CAMK4: variants seen among roughly 807,000 people sequenced by gnomAD.
The protein encoded by CAMK4 is calcium/calmodulin dependent protein kinase IV, also known as calcium/calmodulin-dependent protein kinase type IV.
CAMK4 carries 22 observed loss-of-function variants against 44.9 expected under a neutral mutation model. That is an observed-to-expected ratio of 0.49 (90% CI 0.35 to 0.70). The LOEUF (loss-of-function observed/expected upper bound fraction) is 0.70, where lower values mean the gene tolerates loss of function less well. Among genes scored for constraint, CAMK4 ranks in the 30% least tolerant of loss-of-function variants. The pLI, the probability that CAMK4 is intolerant of heterozygous loss-of-function variation, is 0.01. For synonymous variants in CAMK4, 218 were observed against 215.4 expected (o/e 1.01, Z -0.11); for missense variants, 498 against 586.8 (o/e 0.85, Z 1.56).
intron 2 of CAMK4, among the ~76,000 whole-genome samples, chr5:111,372,855 A>C (rs889894324): frequency 6.6e-6 from 1 of 152,080 alleles, no homozygotes; most frequent in African/African-American, 2.4e-5. Context: ...AGAGCCTATC[A>C]ATTTGATGTA....
At chr5:111,455,063 A>G (rs752850185) in intron 7 of CAMK4, among the ~76,000 whole-genome samples, 2 of 152,216 alleles carry the variant, frequency 1.3e-5, no homozygotes, top group Admixed American at 6.5e-5. Context: ...AAGTATTAAT[A>G]CATAAAAATG....
intron 1 of CAMK4, among the ~76,000 whole-genome samples, chr5:111,258,152 A>C (rs1425920175): frequency 6.6e-6 from 1 of 152,248 alleles, no homozygotes; most frequent in Non-Finnish European, 1.5e-5. Context: ...AGTGTATGGA[A>C]CTTAAAATCC....
intron 4 of CAMK4, among the ~76,000 whole-genome samples, chr5:111,379,800 G>A (rs911313659): frequency 5.9e-5 from 9 of 151,962 alleles, no homozygotes; most frequent in African/African-American, 1.9e-4. Flanking sequence ...TACTCAAAAA[G>A]GTTGTATTTA....
At chr5:111,403,714 G>A (rs926824651) in intron 5 of CAMK4, among the ~76,000 whole-genome samples, 2 of 152,122 alleles carry the variant, frequency 1.3e-5, no homozygotes, top group African/African-American at 4.8e-5. Context: ...TCAACATTCT[G>A]AAATTACAGT....
At chr5:111,309,609 T>G (rs749301408) in intron 1 of CAMK4, among the ~76,000 whole-genome samples, 1 of 152,126 alleles carries the variant, frequency 6.6e-6, no homozygotes, top group African/African-American at 2.4e-5. Context: ...TCCTCCTGGC[T>G]TTTTCTCTGG....
intron 1 of CAMK4, among the ~76,000 whole-genome samples, chr5:111,251,474 C>T (rs1749489815): frequency 6.6e-6 from 1 of 152,154 alleles, no homozygotes; most frequent in South Asian, 2.1e-4. Flanking sequence ...AAGAGAACTT[C>T]CTAACAAGAC....
chr5:111,332,691 A>T (rs1260203693), intron 1 of CAMK4, among the ~76,000 whole-genome samples: 1 of 151,534 alleles, frequency 6.6e-6, no homozygotes, highest in Non-Finnish European at 1.5e-5. Context: ...GCAGGGTGAG[A>T]TTTCTGTGAG....
rs1755713075 is a variant in CAMK4 at position 111,488,607 on chromosome 5, C to G, written c.*4141C>G. 2 of 152,118 alleles carry G rather than the reference C, an allele frequency of 1.3e-5. No individual in the cohort carries two copies. Among genetic ancestry groups the G allele is most frequent in the South Asian group, 4.1e-4 (2 of 4,832 alleles). The allele number at this position is 152,118 out of a possible 1,614,324, so 9.4% of individuals were successfully genotyped here. ...GAGAGAGCCATTTTGTTTCATAAATCAGTTTTTATTGCACAGAAGCAGCTG... is the reference window on the plus strand; with the variant it reads ...GAGAGAGCCATTTTGTTTCATAAATGAGTTTTTATTGCACAGAAGCAGCTG... On this transcript the variant is annotated 3_prime_UTR_variant, in exon 11 of 11. Coordinates refer to ENST00000282356, the MANE Select transcript of CAMK4 (RefSeq NM_001744.6).
intron 5 of CAMK4, among the ~76,000 whole-genome samples, chr5:111,441,776 A>G (rs1038661124): frequency 3.3e-5 from 5 of 152,190 alleles, no homozygotes; most frequent in African/African-American, 1.2e-4. Flanking sequence ...CATGATTTAC[A>G]TAATCTGTAG....
At chr5:111,451,240 ATAGGG>A (rs555049629) in intron 7 of CAMK4, among the ~76,000 whole-genome samples, 73,981 of 151,966 alleles carry the variant, frequency 0.49, 18,193 homozygotes, top group Middle Eastern at 0.58. Flanking sequence ...TCCCTGTACT[ATAGGG>A]AAATTTATAT....
chr5:111,269,729 AGC>A lies in CAMK4; in HGVS notation c.161+45086_161+45087del, dbSNP rs368090136. Among the ~76,000 whole-genome samples the A allele has an allele frequency of 4.0e-3, 607 of 152,178 alleles. 3 individuals are homozygous for A. Among genetic ancestry groups the A allele is most frequent in the African/African-American group, 0.014 (580 of 41,498 alleles). ...TGGACTCCCTGCAGTCCCTAAAGAG[AGC>A]ATAGGGAGCCAGAAGGTCTAACTCA... On this transcript the variant is annotated intron_variant, in intron 1 of 10. Coordinates refer to ENST00000282356, the MANE Select transcript of CAMK4 (RefSeq NM_001744.6).
At position 111,350,948 on chromosome 5, in the gene CAMK4, G is replaced by A. The variant is rs145742296; in HGVS notation, c.240+6846G>A. Among the ~76,000 whole-genome samples, 41 of 152,094 alleles carry A rather than the reference G, an allele frequency of 2.7e-4. No individual in the cohort carries two copies. In the East Asian group the frequency reaches 7.6e-3, roughly 28 times the overall value. On this transcript the variant is annotated intron_variant, in intron 2 of 10. Coordinates refer to ENST00000282356, the MANE Select transcript of CAMK4 (RefSeq NM_001744.6). ...GAAGATTAAGTTACAGACTACATAGGCTTTGTTCCAATTTCTTGGTAGATG... is the reference window on the plus strand; with the variant it reads ...GAAGATTAAGTTACAGACTACATAGACTTTGTTCCAATTTCTTGGTAGATG...
At chr5:111,325,851 C>G (rs1242240510) in intron 1 of CAMK4, among the ~76,000 whole-genome samples, 3 of 151,844 alleles carry the variant, frequency 2.0e-5, no homozygotes, top group African/African-American at 4.8e-5. Flanking sequence ...ATGAGTGAAC[C>G]ATGGGATAAA....
rs184277543 is a variant in CAMK4 at position 111,260,684 on chromosome 5, A to G, written c.161+36040A>G. Among the ~76,000 whole-genome samples the G allele has an allele frequency of 3.3e-5, 5 of 152,228 alleles. No individual in the cohort carries two copies. In the East Asian group the frequency reaches 9.7e-4, roughly 29 times the overall value. On this transcript the variant is annotated intron_variant, in intron 1 of 10. Coordinates refer to ENST00000282356, the MANE Select transcript of CAMK4 (RefSeq NM_001744.6). ...CCAGTCTCTCAAGGAGGTAGCCTCA[A>G]TCTTTTATTAGGTTTTGTTCGTTCC...
In CAMK4 at chr5:111,473,332, G is replaced by A. The variant is rs544684230; in HGVS notation, c.647G>A (p.Cys216Tyr). The A allele has an allele frequency of 1.9e-6, 3 of 1,612,370 alleles. No individual in the cohort carries two copies. Among genetic ancestry groups the A allele is most frequent in the Non-Finnish European group, 2.5e-6 (3 of 1,178,622 alleles). Residue 216 changes from cysteine to tyrosine, a missense_variant, in exon 8 of 11, where the codon TGT becomes TAT. By Grantham distance (194) the Cys-to-Tyr change is radical (BLOSUM62 -2). Around this residue, in one of 3 missense-constraint regions of CAMK4, gnomAD observed 203 missense variants for 298.2 expected, o/e 0.68. Coordinates refer to ENST00000282356, the MANE Select transcript of CAMK4 (RefSeq NM_001744.6). ...GCAGCACCTGAAATTCTTAGAGGTTGTGCCTATGGACCTGAGGTGGACATG... is the reference window on the plus strand; with the variant it reads ...GCAGCACCTGAAATTCTTAGAGGTTATGCCTATGGACCTGAGGTGGACATG... ...GYCAPEILRG[C>Y]AYGPEVDMWS...
chr5:111,344,701 G>A (rs1749798071), intron 2 of CAMK4, among the ~76,000 whole-genome samples: 1 of 151,556 alleles, frequency 6.6e-6, no homozygotes, highest in African/African-American at 2.4e-5. Context: ...TTGTTTTGGG[G>A]GTTGCTTCTT....
chr5:111,468,210 T>C (rs893640296), intron 7 of CAMK4, among the ~76,000 whole-genome samples: 4 of 152,024 alleles, frequency 2.6e-5, no homozygotes, highest in East Asian at 1.9e-4. Context: ...AAACTACACA[T>C]TGGGTACAGT....
At chr5:111,229,619 T>C (rs1255796077) in intron 1 of CAMK4, among the ~76,000 whole-genome samples, 1 of 152,248 alleles carries the variant, frequency 6.6e-6, no homozygotes, top group Non-Finnish European at 1.5e-5. Context: ...CTTGATTTTT[T>C]CCGACACCAT....
At chr5:111,457,412 G>T (rs1754457631) in intron 7 of CAMK4, among the ~76,000 whole-genome samples, 1 of 152,154 alleles carries the variant, frequency 6.6e-6, no homozygotes, top group South Asian at 2.1e-4. Flanking sequence ...TTCTTAAAAT[G>T]CTATTAACAG....
Sources: gnomAD v4.1 joint callset for allele counts (sites outside exome capture counted in the v4.1 genomes callset) on GRCh38, gnomAD v4.1.1 for gene constraint, gnomAD v4.1.1 regional missense constraint, MANE v1.5 for transcripts, NCBI Gene and HGNC (gene_info 2026-07-23, HGNC 2026-07-21) for gene names.